Variants in CLUL1 observed in about 807,000 individuals in gnomAD.
CLUL1 encodes clusterin-like protein 1.
A neutral mutation model predicts 49.4 loss-of-function variants in CLUL1; 43 were observed. The observed-to-expected ratio is 0.87, with a 90% confidence interval of 0.68 to 1.12. The LOEUF (loss-of-function observed/expected upper bound fraction) is 1.12. Among genes scored for constraint, CLUL1 ranks in the 50% most tolerant of loss-of-function variants. The probability of loss-of-function intolerance (pLI) is 0.00; values close to 1 mark genes in which losing one functional copy is unlikely to be tolerated. For synonymous variants in CLUL1, 192 were observed against 184.9 expected, an observed-to-expected ratio of 1.04 and a Z score of -0.31; for missense variants, 486 against 544.4, an observed-to-expected ratio of 0.89 and a Z score of 1.07.
In CLUL1 at chr18:622,613, A is replaced by G. The variant is rs541640892; in HGVS notation, c.256-2252A>G. ...TACTAGACAGAGGTCTACTTCTTCC[A>G]TGGCAATGTTTCACTTCCAAAACTT... On this transcript the variant is annotated intron_variant, in intron 4 of 9. Coordinates refer to ENST00000692774, the MANE Select transcript of CLUL1 (RefSeq NM_001393344.1). Among the ~76,000 whole-genome samples, 3 of 152,350 alleles carry G rather than the reference A, an allele frequency of 2.0e-5. No individual in the cohort carries two copies. The South Asian group carries it at 6.2e-4, about 32-fold the overall frequency.
chr18:643,372 C>G (rs749408780), intron 8 of CLUL1, among the ~76,000 whole-genome samples: 11 of 152,202 alleles, frequency 7.2e-5, no homozygotes, highest in Non-Finnish European at 1.6e-4. Flanking sequence ...GATTCTATAA[C>G]TCTATTAGAT....
In CLUL1 at chr18:646,834, C is replaced by T. The variant is rs143018392; in HGVS notation, c.1397+1737C>T. Among the ~76,000 whole-genome samples the T allele has an allele frequency of 7.6e-3, 1,161 of 151,898 alleles. 20 individuals are homozygous for T. The highest frequency in any genetic ancestry group is 0.026 in the African/African-American group (1,082 of 41,416). On this transcript the variant is annotated intron_variant, in intron 9 of 9. Transcript: ENST00000692774. ...GCACGATCTCGGCTCACTGCAACCT[C>T]GGCCTCCCAGGTTCAAATGATTCTT...
intron 7 of CLUL1, among the ~76,000 whole-genome samples, chr18:638,902 C>T (rs2074241627): frequency 6.6e-6 from 1 of 151,772 alleles, no homozygotes; most frequent in South Asian, 2.1e-4. Flanking sequence ...AGAAATAGAA[C>T]ATTACCAAAA....
At chr18:645,253 T>C in intron 9 of CLUL1, 156 bp downstream of exon 9, 1 of 523,742 alleles carries the variant, frequency 1.9e-6, no homozygotes, top group Non-Finnish European at 3.2e-6. Context: ...GCCTATCAGA[T>C]TTGCAAATTA....
At chr18:608,851 A>G (rs1389222323) in intron 2 of CLUL1, among the ~76,000 whole-genome samples, 1 of 152,194 alleles carries the variant, frequency 6.6e-6, no homozygotes, top group Non-Finnish European at 1.5e-5. Context: ...AGGCCTGTTG[A>G]TCTATTTATA....
intron 9 of CLUL1, among the ~76,000 whole-genome samples, chr18:647,934 G>A (rs2074556637): frequency 6.6e-6 from 1 of 152,136 alleles, no homozygotes; most frequent in Non-Finnish European, 1.5e-5. Context: ...TAGGGTTTTT[G>A]CTCTTCTCTT....
rs967526189 is a variant in CLUL1 at position 598,603 on chromosome 18, C to T, written c.-136+1474C>T. The T allele has an allele frequency of 5.8e-5, 23 of 398,418 alleles. No individual in the cohort carries two copies. In the East Asian group the frequency reaches 7.5e-4, roughly 13 times the overall value. The allele number at this position is 398,418 out of a possible 1,614,324, so 24.7% of individuals were successfully genotyped here. ...CACTGGTGAGCAGAGGGTCAGATCA[C>T]CCTGGGGTTTGTGTCACAACCAAAA... On this transcript the variant is annotated intron_variant, in intron 1 of 9. Coordinates refer to ENST00000692774, the MANE Select transcript of CLUL1 (RefSeq NM_001393344.1).
At chr18:637,494 C>T (rs1044498883) in intron 7 of CLUL1, among the ~76,000 whole-genome samples, 17 of 152,198 alleles carry the variant, frequency 1.1e-4, no homozygotes, top group Non-Finnish European at 1.9e-4. Flanking sequence ...GACTTGTTTA[C>T]TTCTCCACAT....
rs567897021 is a variant in CLUL1 at position 645,019 on chromosome 18, A to G, written c.1319A>G (p.Glu440Gly). ...SNFTLKIPLE[E>G]SAESSNFIGY... is the part of the protein sequence containing the mutation. ...TTCACACTCAAGATCCCTCTTGAAG[A>G]AAGTGCTGAGAGTTCTAACTTCATT... The change falls in exon 9 of 10, where the codon GAA (glutamate) becomes GGA (glycine). Residue 440 changes from glutamate to glycine, a missense_variant. Glu to Gly is a moderately conservative substitution (Grantham distance 98). Transcript: ENST00000692774. 66 of 1,613,692 alleles carry G rather than the reference A, an allele frequency of 4.1e-5. No individual in the cohort carries two copies. Among genetic ancestry groups the G allele is most frequent in the Non-Finnish European group, 5.1e-5 (60 of 1,179,766 alleles).
At chr18:613,629 AT>A (rs1458337956) in intron 2 of CLUL1, among the ~76,000 whole-genome samples, 1 of 149,578 alleles carries the variant, frequency 6.7e-6, no homozygotes. Context: ...TAATTTTTGT[AT>A]TTTTAGTAGA....
At chr18:634,875 C>G (rs1261357535) in intron 7 of CLUL1, among the ~76,000 whole-genome samples, 1 of 152,140 alleles carries the variant, frequency 6.6e-6, no homozygotes, top group Non-Finnish European at 1.5e-5. Flanking sequence ...CTCCTCCAAC[C>G]CCACCAGGGC....
intron 6 of CLUL1, among the ~76,000 whole-genome samples, chr18:631,178 A>AATGCT (rs2073984710): frequency 6.6e-6 from 1 of 152,190 alleles, no homozygotes; most frequent in Admixed American, 6.5e-5. Context: ...CTTGATAATT[A>AATGCT]ATGCTATTTT....
chr18:647,057 C>T (rs894287886), intron 9 of CLUL1, among the ~76,000 whole-genome samples: 6 of 152,022 alleles, frequency 3.9e-5, no homozygotes, highest in African/African-American at 1.4e-4. Flanking sequence ...GCCTCCTCTC[C>T]CTTTCTTAAA....
At position 618,201 on chromosome 18, in the gene CLUL1, C is replaced by A. The variant is rs16947455; in HGVS notation, c.106+95C>A. 2 of 911,234 alleles carry A rather than the reference C, an allele frequency of 2.2e-6. No individual in the cohort carries two copies. Among genetic ancestry groups the A allele is most frequent in the Non-Finnish European group, 3.5e-6 (2 of 569,916 alleles). The allele number at this position is 911,234 out of a possible 1,614,324, so 56.4% of individuals were successfully genotyped here. A position where few individuals can be genotyped will look rare whatever the true frequency, so the allele number is the denominator to read the frequency against. On this transcript the variant is annotated intron_variant, in intron 3 of 9. Coordinates refer to ENST00000692774, the MANE Select transcript of CLUL1 (RefSeq NM_001393344.1). This position sits in a 1 kb window ranked among gnomAD's most constrained non-coding sequence, Gnocchi z 4.2. Reference sequence around the variant, plus strand: ...GTCGCAGTTGAGAGATAACCATATTCGCTGTTTTCACGGTGAAACGTTCTC... The same window carrying A: ...GTCGCAGTTGAGAGATAACCATATTAGCTGTTTTCACGGTGAAACGTTCTC...
intron 6 of CLUL1, among the ~76,000 whole-genome samples, chr18:629,731 T>G (rs1020200741): frequency 2.0e-5 from 3 of 152,224 alleles, no homozygotes; most frequent in African/African-American, 4.8e-5. Context: ...AAGTCTGTGT[T>G]ACACTATTGT....
At chr18:624,643 A>G (rs2073621118) in intron 4 of CLUL1, among the ~76,000 whole-genome samples, 1 of 152,344 alleles carries the variant, frequency 6.6e-6, no homozygotes, top group South Asian at 2.1e-4. Context: ...GAACAAATGA[A>G]TGAACAGATG....
intron 9 of CLUL1, 160 bp from the exon 10 acceptor site, chr18:649,738 G>T: frequency 1.8e-6 from 1 of 567,626 alleles, no homozygotes; most frequent in Non-Finnish European, 3.2e-6. Flanking sequence ...ATGCATATGG[G>T]TTTCACATTA....
intron 4 of CLUL1, among the ~76,000 whole-genome samples, chr18:620,947 T>C (rs1170191051): frequency 6.6e-6 from 1 of 152,196 alleles, no homozygotes; most frequent in Non-Finnish European, 1.5e-5. Context: ...TGGAAAATAT[T>C]TTCAATTTTA....
chr18:613,651 C>G (rs371801055), intron 2 of CLUL1, among the ~76,000 whole-genome samples: 1 of 151,626 alleles, frequency 6.6e-6, no homozygotes, highest in Non-Finnish European at 1.5e-5. Flanking sequence ...GATGGGGTTT[C>G]ACCATGTTGA....
Sources: allele counts gnomAD v4.1 joint callset (sites outside exome capture counted in the v4.1 genomes callset), GRCh38; gene constraint gnomAD v4.1.1; non-coding constraint Gnocchi (gnomAD v3.1); transcripts MANE v1.5; gene names NCBI Gene and HGNC (gene_info 2026-07-23, HGNC 2026-07-21).